KLF12: variants seen among roughly 807,000 people sequenced by gnomAD.
The protein encoded by KLF12 is Krueppel-like factor 12.
KLF12 carries 9 observed loss-of-function variants against 37.8 expected under a neutral mutation model. The ratio of observed to expected loss-of-function variants is 0.24; its 90% confidence interval spans 0.14 to 0.42. The LOEUF (loss-of-function observed/expected upper bound fraction) is 0.42. KLF12 is among the 10% of genes least tolerant of loss of function. The probability of loss-of-function intolerance (pLI) is 1.00; values close to 1 mark genes in which losing one functional copy is unlikely to be tolerated. For missense variants in KLF12, 411 were observed against 516.0 expected, an observed-to-expected ratio of 0.80 and a Z score of 1.97; for synonymous variants, 208 against 202.1, an observed-to-expected ratio of 1.03 and a Z score of -0.25.
At chr13:73,869,201 TTATG>T (rs1282731620) in intron 3 of KLF12, among the ~76,000 whole-genome samples, 2 of 152,206 alleles carry the variant, frequency 1.3e-5, no homozygotes, top group East Asian at 3.8e-4. Context: ...TCATTAAACA[TTATG>T]TATGTATTTT....
intron 1 of KLF12, among the ~76,000 whole-genome samples, chr13:74,114,711 C>T (rs75205543): frequency 2.8e-4 from 42 of 152,186 alleles, no homozygotes; most frequent in African/African-American, 9.4e-4. Flanking sequence ...ATTGATCTAC[C>T]CTCAATACTT....
At chr13:73,751,985 T>C (rs532073075) in intron 6 of KLF12, among the ~76,000 whole-genome samples, 1 of 152,114 alleles carries the variant, frequency 6.6e-6, no homozygotes, top group East Asian at 1.9e-4. Context: ...AGTTTACCTA[T>C]GGATTTATTT....
chr13:73,797,225 C>A (rs1175019469), intron 5 of KLF12, among the ~76,000 whole-genome samples: 1 of 152,208 alleles, frequency 6.6e-6, no homozygotes, highest in Non-Finnish European at 1.5e-5. Flanking sequence ...TATTTCCCAT[C>A]CTTCCTGATC....
chr13:74,014,776 T>C (rs1833813713), intron 1 of KLF12, among the ~76,000 whole-genome samples: 1 of 152,220 alleles, frequency 6.6e-6, no homozygotes. Context: ...AGGGCTTTTT[T>C]TGTTAATGTT....
chr13:74,143,214 C>G, the KLF12 span, among the ~76,000 whole-genome samples: 5 of 151,890 alleles, frequency 3.3e-5, no homozygotes, highest in African/African-American at 1.2e-4. Flanking sequence ...CTCTCTCTCT[C>G]TCTCCATTAA....
intron 1 of KLF12, among the ~76,000 whole-genome samples, chr13:74,030,208 A>C (rs1038344982): frequency 6.6e-6 from 1 of 152,108 alleles, no homozygotes; most frequent in Non-Finnish European, 1.5e-5. Context: ...CCAGTATGGT[A>C]GCCAGGACTC....
At position 73,846,506 on chromosome 13, in the gene KLF12, G is replaced by T. The variant is rs1026648855; in HGVS notation, c.124-133C>A. The stretch of plus-strand genomic sequence containing the variant: ...ACATTTATTCGTTCTCCAAATATCT[G>T]AAGGATTGCTCAGAGACAGTCACTG... On this transcript the variant is annotated intron_variant, in intron 3 of 7. Transcript: ENST00000377669. 2.5e-5 allele frequency: 21 copies of T among 838,832 alleles called. No individual in the cohort carries two copies. In the Admixed American group the frequency reaches 4.3e-4, roughly 17 times the overall value. 52.0% of individuals were successfully genotyped at this position (838,832 alleles called of 1,614,324 possible).
intron 1 of KLF12, among the ~76,000 whole-genome samples, chr13:74,039,560 A>G (rs1288833326): frequency 6.6e-6 from 1 of 152,208 alleles, no homozygotes; most frequent in African/African-American, 2.4e-5. Flanking sequence ...ATACATAAAA[A>G]GTTTAAAAAC....
chr13:74,182,141 T>G, the KLF12 span, among the ~76,000 whole-genome samples: 1 of 152,200 alleles, frequency 6.6e-6, no homozygotes, highest in South Asian at 2.1e-4. Flanking sequence ...TCAAGCTGGG[T>G]GATGAGTGCA....
intron 5 of KLF12, among the ~76,000 whole-genome samples, chr13:73,779,698 G>A (rs1403033865): frequency 6.6e-6 from 1 of 152,218 alleles, no homozygotes; most frequent in Non-Finnish European, 1.5e-5. Context: ...GGTAGCTTGG[G>A]GATCCCATTT....
the KLF12 span, among the ~76,000 whole-genome samples, chr13:74,290,487 G>T: frequency 6.6e-6 from 1 of 152,184 alleles, no homozygotes; most frequent in Non-Finnish European, 1.5e-5. Flanking sequence ...CCACCCCTCT[G>T]CGTGAAAAGG....
chr13:74,271,358 A>G, the KLF12 span, among the ~76,000 whole-genome samples: 88 of 152,320 alleles, frequency 5.8e-4, no homozygotes, highest in African/African-American at 1.9e-3. Flanking sequence ...GAAACTAAGA[A>G]TAAGCCTTGG....
intron 2 of KLF12, among the ~76,000 whole-genome samples, chr13:73,967,859 C>T (rs903106567): frequency 3.9e-5 from 6 of 152,106 alleles, no homozygotes; most frequent in Non-Finnish European, 5.9e-5. Context: ...GCATCAGTGA[C>T]GATGAAATGC....
At chr13:73,942,241 T>G (rs1566473822) in intron 3 of KLF12, among the ~76,000 whole-genome samples, 3 of 152,146 alleles carry the variant, frequency 2.0e-5, no homozygotes, top group African/African-American at 7.2e-5. Flanking sequence ...CTGACTGGTT[T>G]GCTATAGTTT....
chr13:74,231,147 A>G, the KLF12 span, among the ~76,000 whole-genome samples: 574 of 152,172 alleles, frequency 3.8e-3, 5 homozygotes, highest in Non-Finnish European at 3.9e-3. Context: ...TGATCCTTAT[A>G]AAAGTAAAGT....
At chr13:74,184,705 T>G in the KLF12 span, among the ~76,000 whole-genome samples, 1 of 152,180 alleles carries the variant, frequency 6.6e-6, no homozygotes, top group African/African-American at 2.4e-5. Context: ...ATGGGTTGCA[T>G]TCACAGAAAG....
chr13:74,120,309 C>T (rs1877552379), intron 1 of KLF12, among the ~76,000 whole-genome samples: 1 of 152,170 alleles, frequency 6.6e-6, no homozygotes, highest in Admixed American at 6.5e-5. Flanking sequence ...TGGCGAAACC[C>T]TGTCTCTACT....
At chr13:73,819,438 A>C (rs1883406198) in intron 4 of KLF12, among the ~76,000 whole-genome samples, 1 of 152,150 alleles carries the variant, frequency 6.6e-6, no homozygotes, top group Admixed American at 6.5e-5. Context: ...TTTCACGTGT[A>C]CCTAAACTGA....
At position 73,686,241 on chromosome 13, in the gene KLF12, GTC is replaced by G. The variant is rs1418861543; in HGVS notation, c.*9247_*9248del. On this transcript the variant is annotated 3_prime_UTR_variant, in exon 8 of 8. Transcript: ENST00000377669. ...GAAAAGCAATGCACCAACAGAATATGTCTGAGACACCATTAAAAACAATAACA... is the reference window on the plus strand; with the variant it reads ...GAAAAGCAATGCACCAACAGAATATGTGAGACACCATTAAAAACAATAACA... 1 of 152,574 alleles carries G rather than the reference GTC, an allele frequency of 6.6e-6. No homozygotes were observed. Among genetic ancestry groups the G allele is most frequent in the Non-Finnish European group, 1.5e-5 (1 of 68,018 alleles). 9.5% of individuals were successfully genotyped at this position (152,574 alleles called of 1,614,324 possible). A position where few individuals can be genotyped will look rare whatever the true frequency, so the allele number is the denominator to read the frequency against.
Sources: gnomAD v4.1 joint callset for allele counts (sites outside exome capture counted in the v4.1 genomes callset) on GRCh38, gnomAD v4.1.1 for gene constraint, MANE v1.5 for transcripts, NCBI Gene and HGNC (gene_info 2026-07-23, HGNC 2026-07-21) for gene names.